Variants in ATP1A3 observed in about 807,000 individuals in gnomAD.
ATP1A3 encodes sodium/potassium-transporting ATPase subunit alpha-3.
ATP1A3 carries 12 observed loss-of-function variants against 108.8 expected under a neutral mutation model. The ratio of observed to expected loss-of-function variants is 0.11; its 90% confidence interval spans 0.07 to 0.18. The LOEUF (loss-of-function observed/expected upper bound fraction) is 0.18. ATP1A3 is among the 10% of genes least tolerant of loss of function. The pLI is 1.00. For synonymous variants in ATP1A3, 539 were observed against 564.5 expected (o/e 0.95, Z 0.64); for missense variants, 498 against 1,387.7 (o/e 0.36, Z 10.19).
At chr19:41,971,399 T>C (rs1555859871) in intron 16 of ATP1A3, among the ~76,000 whole-genome samples, 1 of 152,010 alleles carries the variant, frequency 6.6e-6, no homozygotes, top group Non-Finnish European at 1.5e-5. Flanking sequence ...ACTCCTAGGT[T>C]TTATACCCAA....
intron 16 of ATP1A3, among the ~76,000 whole-genome samples, chr19:41,972,061 C>T (rs1280642352): frequency 1.3e-5 from 2 of 151,984 alleles, no homozygotes; most frequent in African/African-American, 4.8e-5. Context: ...ACCAGCCTGG[C>T]CAACATGATG....
chr19:41,972,307 G>T (rs1288393355), intron 16 of ATP1A3, among the ~76,000 whole-genome samples: 3 of 151,466 alleles, frequency 2.0e-5, no homozygotes, highest in African/African-American at 7.3e-5. Flanking sequence ...CGAGCCTGTG[G>T]TCGCAGCTAC....
intron 16 of ATP1A3, among the ~76,000 whole-genome samples, 153 bp from the exon 17 acceptor site, chr19:41,970,695 G>A (rs1159640832): frequency 3.4e-5 from 5 of 147,548 alleles, no homozygotes; most frequent in African/African-American, 5.1e-5. Context: ...GCAGTGGTGC[G>A]ATCTCGGCTC....
rs1555859273 is a variant in ATP1A3 at position 41,969,392 on chromosome 19, G to T, written c.2688+43C>A. On this transcript the variant is annotated intron_variant, in intron 19 of 22. Transcript: ENST00000648268. ...GCATGGCTGGAACAGCTCACCCCGG[G>T]GATCTTACGGTGGGCAGAGACACAG... The T allele has an allele frequency of 3.7e-6, 6 of 1,613,824 alleles. No individual in the cohort carries two copies. The Admixed American group carries it at 5.0e-5, about 13-fold the overall frequency.
intron 18 of ATP1A3, among the ~76,000 whole-genome samples, 184 bp downstream of exon 18, chr19:41,970,001 A>G (rs1406292649): frequency 6.6e-6 from 1 of 152,134 alleles, no homozygotes; most frequent in Admixed American, 6.5e-5. Flanking sequence ...GCACACATCA[A>G]CAGCAGAGAG....
chr19:41,992,497 G>A (rs1026273610), intron 1 of ATP1A3, among the ~76,000 whole-genome samples: 1 of 151,990 alleles, frequency 6.6e-6, no homozygotes, highest in Non-Finnish European at 1.5e-5. Flanking sequence ...CTTCCCCCTC[G>A]CAGGGGACCT....
intron 15 of ATP1A3, among the ~76,000 whole-genome samples, chr19:41,976,099 G>A (rs1555861070): frequency 2.1e-4 from 27 of 129,376 alleles, no homozygotes; most frequent in African/African-American, 3.0e-4. Context: ...AGGGGTCCAG[G>A]CCCCCAGCCC....
chr19:41,981,869 G>A lies in ATP1A3; in HGVS notation c.1193-38C>T, dbSNP rs1555863566. ...TGTGTGAGGGCCAGGGACTCCTGGAGCCAGGCCCCCATGGTCCTCACCCGG... is the reference window on the plus strand; with the variant it reads ...TGTGTGAGGGCCAGGGACTCCTGGAACCAGGCCCCCATGGTCCTCACCCGG... On this transcript the variant is annotated intron_variant, in intron 9 of 22. Transcript: ENST00000648268. This position sits in a 1 kb window ranked among gnomAD's most constrained non-coding sequence, Gnocchi z 5.0. The A allele has an allele frequency of 1.2e-6, 2 of 1,614,110 alleles. No individual in the cohort carries two copies. Among genetic ancestry groups the A allele is most frequent in the Non-Finnish European group, 1.7e-6 (2 of 1,180,044 alleles).
chr19:41,972,343 CTT>C (rs2075118665), intron 16 of ATP1A3, among the ~76,000 whole-genome samples: 1 of 152,034 alleles, frequency 6.6e-6, no homozygotes, highest in African/African-American at 2.4e-5. Context: ...GGGAGGATCA[CTT>C]GAGGAGGTCG....
In ATP1A3 at chr19:41,988,068, G is replaced by A; in HGVS notation, c.225C>T (p.Thr75=). The change falls in exon 4 of 23, where the codon ACC becomes ACT. Residue 75 remains threonine, a synonymous_variant. Coordinates refer to ENST00000648268, the MANE Select transcript of ATP1A3 (RefSeq NM_152296.5). The surrounding 1 kb of genome is among the most constrained non-coding windows in gnomAD (Gnocchi z 5.3). Reference sequence around the variant, plus strand: ...GGCAAAACTTGACCCACTCTGGGGTGGTAGGCGGTGGCGTGAGTGCGTTAG... The same window carrying A: ...GGCAAAACTTGACCCACTCTGGGGTAGTAGGCGGTGGCGTGAGTGCGTTAG... ...DGPNALTPPP[T]TPEWVKFCRQ... 6.2e-7 allele frequency: 1 copy of A among 1,614,184 alleles called. No individual in the cohort carries two copies. Among genetic ancestry groups the A allele is most frequent in the Non-Finnish European group, 8.5e-7 (1 of 1,180,024 alleles).
chr19:41,991,428 G>A (rs1555867320), intron 1 of ATP1A3, among the ~76,000 whole-genome samples: 1 of 152,216 alleles, frequency 6.6e-6, no homozygotes, highest in Admixed American at 6.5e-5. Context: ...GAGGCACAGA[G>A]GCTTGGGGGA....
chr19:41,985,155 G>A lies in ATP1A3; in HGVS notation c.756C>T (p.Gly252=), dbSNP rs150070299. 84 of 1,613,232 alleles carry A rather than the reference G, an allele frequency of 5.2e-5. 1 individual carries two copies. The African/African-American group carries it at 6.5e-4, about 13-fold the overall frequency. Reference sequence around the variant, plus strand: ...CGATACGGCCCATGACAGTGCGGTCGCCCGTGGCCACCACCACGCCCCGAG... The same window carrying A: ...CGATACGGCCCATGACAGTGCGGTCACCCGTGGCCACCACCACGCCCCGAG... ...GTARGVVVAT[G]DRTVMGRIAT... The change falls in exon 8 of 23, where the codon GGC becomes GGT. Residue 252 remains glycine (G), a synonymous_variant. Transcript: ENST00000648268. This position sits in a 1 kb window ranked among gnomAD's most constrained non-coding sequence, Gnocchi z 8.2.
chr19:41,988,609 C>G lies in ATP1A3; in HGVS notation c.7-47G>C. The G allele has an allele frequency of 6.2e-7, 1 of 1,613,890 alleles. No homozygotes were observed. Among genetic ancestry groups the G allele is most frequent in the Non-Finnish European group, 8.5e-7 (1 of 1,180,016 alleles). On this transcript the variant is annotated intron_variant, in intron 1 of 22. Coordinates refer to ENST00000648268, the MANE Select transcript of ATP1A3 (RefSeq NM_152296.5). This position sits in a 1 kb window ranked among gnomAD's most constrained non-coding sequence, Gnocchi z 5.3. ...GCTGTCAGAGCCACCAGACTGCGGGCGAGAAGGGGTTCCAGGAGGACACCG... is the reference window on the plus strand; with the variant it reads ...GCTGTCAGAGCCACCAGACTGCGGGGGAGAAGGGGTTCCAGGAGGACACCG...
At position 41,984,831 on chromosome 19, in the gene ATP1A3, G is replaced by A. The variant is rs1266865208; in HGVS notation, c.993+87C>T. On this transcript the variant is annotated intron_variant, in intron 8 of 22. Coordinates refer to ENST00000648268, the MANE Select transcript of ATP1A3 (RefSeq NM_152296.5). Reference sequence around the variant, plus strand: ...TAGCCCCTCCTCCCTCAGACTCAGGGGTCCAGGATCCCAGCCCCTCCTCCC... The same window carrying A: ...TAGCCCCTCCTCCCTCAGACTCAGGAGTCCAGGATCCCAGCCCCTCCTCCC... 1.0e-5 allele frequency: 15 copies of A among 1,454,072 alleles called. No homozygotes were observed. In the East Asian group the frequency reaches 2.2e-4, roughly 21 times the overall value. 90.1% of individuals were successfully genotyped at this position (1,454,072 alleles called of 1,614,324 possible).
chr19:41,969,507 G>A lies in ATP1A3; in HGVS notation c.2616C>T (p.Asn872=), dbSNP rs782057287. The change falls in exon 19 of 23, where the codon AAC becomes AAT. Residue 872 remains asparagine, a synonymous_variant. Transcript: ENST00000648268. ...ILAENGFLPG[N]LVGIRLNWDD... ...CCCAGTTCAGCCGGATGCCCACCAG[G>A]TTGCCGGGCAAGAAGCCATTTTCTG... 4 of 1,614,160 alleles carry A rather than the reference G, an allele frequency of 2.5e-6. No individual in the cohort carries two copies. In the East Asian group the frequency reaches 8.9e-5, roughly 36 times the overall value.
At chr19:41,991,283 G>A (rs1340979565) in intron 1 of ATP1A3, among the ~76,000 whole-genome samples, 2 of 152,152 alleles carry the variant, frequency 1.3e-5, no homozygotes, top group Non-Finnish European at 2.9e-5. Flanking sequence ...CAGACCCAGA[G>A]GCTGAGTCGG....
intron 16 of ATP1A3, among the ~76,000 whole-genome samples, chr19:41,974,456 CA>C (rs1227580804): frequency 2.0e-5 from 3 of 152,086 alleles, no homozygotes; most frequent in East Asian, 1.9e-4. Context: ...CCCCAGCCCC[CA>C]AAAAAAGATG....
intron 1 of ATP1A3, among the ~76,000 whole-genome samples, chr19:41,990,421 TTC>T (rs1216113837): frequency 7.6e-6 from 1 of 130,910 alleles, no homozygotes; most frequent in African/African-American, 2.9e-5. Context: ...CTCATTCTCT[TTC>T]TCTCTCTCCC....
Position 41,985,455 on chromosome 19 carries a change from G to C in ATP1A3, c.607-32C>G. 6.3e-7 allele frequency: 1 copy of C among 1,584,920 alleles called. No homozygotes were observed. Among genetic ancestry groups the C allele is most frequent in the Non-Finnish European group, 8.7e-7 (1 of 1,153,518 alleles). On this transcript the variant is annotated intron_variant, in intron 6 of 22. Transcript: ENST00000648268. This position sits in a 1 kb window ranked among gnomAD's most constrained non-coding sequence, Gnocchi z 8.2. The stretch of plus-strand genomic sequence containing the variant: ...GTAGGTGCAGCAGAGAGAGGGTTCA[G>C]TCCAGGGCCTGGGACAGGAGGGTAT...
Sources: allele counts gnomAD v4.1 joint callset (sites outside exome capture counted in the v4.1 genomes callset), GRCh38; gene constraint gnomAD v4.1.1; non-coding constraint Gnocchi (gnomAD v3.1); transcripts MANE v1.5; gene names NCBI Gene and HGNC (gene_info 2026-07-23, HGNC 2026-07-21).